CDH26: variants seen among roughly 807,000 people sequenced by gnomAD.
CDH26 encodes cadherin 26.
In CDH26, 83 loss-of-function variants were observed where a neutral mutation model predicts 90.3. The observed-to-expected ratio is 0.92, with a 90% CI of 0.77 to 1.10. The LOEUF (loss-of-function observed/expected upper bound fraction) is 1.10. Ranked by LOEUF, CDH26 falls within the 50% of genes least tolerant of loss-of-function variation. The pLI is 0.00. For synonymous variants in CDH26, 397 were observed against 396.3 expected (o/e 1.00, Z -0.02); for missense variants, 1,013 against 1,037.6 (o/e 0.98, Z 0.33).
Position 60,030,052 on chromosome 20 carries a change from T to A in CDH26, c.948-1179T>A, listed in dbSNP as rs148975555. On this transcript the variant is annotated intron_variant, in intron 7 of 8. Coordinates refer to the CDH26 transcript ENST00000370991. This position sits in a 1 kb window ranked among gnomAD's most constrained non-coding sequence, Gnocchi z 4.0. The stretch of plus-strand genomic sequence containing the variant: ...AGGGAGAAAGAAAGTGAACTGGGGA[T>A]CCCTTCTGCCACCTTCCCCCACAAC... Among the ~76,000 whole-genome samples the A allele has an allele frequency of 5.0e-3, 761 of 152,246 alleles. 2 individuals are homozygous for A. Among genetic ancestry groups the A allele is most frequent in the African/African-American group, 0.017 (702 of 41,554 alleles).
At chr20:59,973,441 T>C (rs2061289177) in intron 4 of CDH26, among the ~76,000 whole-genome samples, 1 of 152,214 alleles carries the variant, frequency 6.6e-6, no homozygotes, top group Non-Finnish European at 1.5e-5. Flanking sequence ...ACAGGTTTGT[T>C]ATATAGGTAA....
downstream of CDH26, among the ~76,000 whole-genome samples, chr20:60,017,445 A>C (rs1167361796): frequency 6.6e-6 from 1 of 151,964 alleles, no homozygotes; most frequent in African/African-American, 2.4e-5. Flanking sequence ...TGTGGTCTCT[A>C]TTGTGACATC....
chr20:60,011,292 G>A (rs1018990821), intron 17 of CDH26, among the ~76,000 whole-genome samples: 61 of 152,312 alleles, frequency 4.0e-4, no homozygotes, highest in African/African-American at 1.5e-3. Context: ...TGGTCATTCT[G>A]TCACTACTGT....
chr20:60,031,077 TC>T (rs1489261285), intron 7 of CDH26, among the ~76,000 whole-genome samples: 2 of 152,160 alleles, frequency 1.3e-5, no homozygotes, highest in African/African-American at 2.4e-5. Context: ...TATTCATGCT[TC>T]CCCTTTTTAG....
At chr20:60,035,141 G>A (rs2062073598), downstream of CDH26, among the ~76,000 whole-genome samples, 1 of 152,236 alleles carries the variant, frequency 6.6e-6, no homozygotes, top group Non-Finnish European at 1.5e-5. Flanking sequence ...ACTTTTTAGA[G>A]TTTTTATGTC....
rs1569063755 is a variant in CDH26, at chr20:60,012,719, GTTCC to G, written c.2494_2497del (p.Ser832LysfsTer38). On this transcript the variant is annotated frameshift_variant, in exon 18 of 18. Coordinates refer to ENST00000348616, the MANE Select transcript of CDH26 (RefSeq NM_177980.4). LOFTEE classifies it high-confidence loss of function. ...TGAGGAAATATATTCAGAGTCAGGT[GTTCC>G]TTCCTAAAAAAAAAAGTCTATTTTG... 6.2e-7 allele frequency: 1 copy of G among 1,611,856 alleles called. No homozygotes were observed. Among genetic ancestry groups the G allele is most frequent in the Admixed American group, 1.7e-5 (1 of 59,644 alleles).
At chr20:60,007,732 G>GTT (rs113480441) in intron 17 of CDH26, among the ~76,000 whole-genome samples, 1 of 146,020 alleles carries the variant, frequency 6.8e-6, no homozygotes, top group Non-Finnish European at 1.5e-5. Context: ...GTTTCTGCTG[G>GTT]TTTTTTTTTT....
intron 3 of CDH26, among the ~76,000 whole-genome samples, chr20:59,970,808 A>AT (rs1374185161): frequency 6.9e-6 from 1 of 145,330 alleles, no homozygotes; most frequent in Non-Finnish European, 1.5e-5. Flanking sequence ...ACTCTGTCTC[A>AT]AAAATAAATA....
intron 4 of CDH26, among the ~76,000 whole-genome samples, chr20:59,976,644 T>G (rs2061331656): frequency 6.6e-6 from 1 of 151,982 alleles, no homozygotes; most frequent in South Asian, 2.1e-4. Flanking sequence ...GCACAAAAAT[T>G]TAAAAATGTA....
Position 60,006,811 on chromosome 20 carries a change from G to C in CDH26, c.2295+24G>C, listed in dbSNP as rs562254282. The C allele has an allele frequency of 4.3e-5, 68 of 1,580,020 alleles. No individual in the cohort carries two copies. In the Middle Eastern group the frequency reaches 5.0e-3, roughly 116 times the overall value. On this transcript the variant is annotated intron_variant, in intron 17 of 17. Transcript: ENST00000348616. The stretch of plus-strand genomic sequence containing the variant: ...AGGTAGGGAGAGCTCCCCTTGTGCT[G>C]TGCACTAGCTATGGGTTTTGCATCC...
chr20:60,021,116 A>G (rs1371127960), intron 7 of CDH26, among the ~76,000 whole-genome samples: 2 of 152,124 alleles, frequency 1.3e-5, no homozygotes, highest in Admixed American at 6.5e-5. Context: ...TGTTGCCATG[A>G]TTCTTTCTTC....
chr20:59,969,964 T>G, intron 2 of CDH26, 118 bp from the exon 3 acceptor site: 3 of 1,432,152 alleles, frequency 2.1e-6, no homozygotes, highest in East Asian at 2.5e-5. Flanking sequence ...GTTCTGGCGA[T>G]GAGAGAATGC....
intron 9 of CDH26, 120 bp downstream of exon 9, chr20:59,989,283 C>G: frequency 7.7e-7 from 1 of 1,304,082 alleles, no homozygotes; most frequent in Non-Finnish European, 1.1e-6. Flanking sequence ...AATCCCAGCG[C>G]TTTGGGAGGC....
At chr20:60,029,209 A>G (rs1405235436) in intron 7 of CDH26, among the ~76,000 whole-genome samples, 2 of 152,198 alleles carry the variant, frequency 1.3e-5, no homozygotes, top group African/African-American at 4.8e-5. Context: ...GTCAACGGGT[A>G]TAAAGTTACA....
downstream of CDH26, among the ~76,000 whole-genome samples, chr20:60,017,006 T>C (rs1045472904): frequency 6.6e-6 from 1 of 152,084 alleles, no homozygotes; most frequent in African/African-American, 2.4e-5. Flanking sequence ...ATTTTTGGAT[T>C]TGGTTTGCTA....
Position 59,987,468 on chromosome 20 carries a change from C to T in CDH26, c.853C>T (p.Pro285Ser). The T allele has an allele frequency of 6.2e-7, 1 of 1,611,500 alleles. No individual in the cohort carries two copies. Among genetic ancestry groups the T allele is most frequent in the Non-Finnish European group, 8.5e-7 (1 of 1,178,986 alleles). ...FTQENYKVQI[P>S]EGRASQGVLR... ...CTTCTTTCAGTATAAGGTTCAGATT[C>T]CTGAAGGCCGAGCCAGCCAGGGCGT... Residue 285 changes from proline (P) to serine (S), a missense_variant, in exon 8 of 18, where the codon CCT (proline) becomes TCT (serine). Physicochemically the swap from Pro to Ser is moderately conservative, Grantham distance 74. Transcript: ENST00000348616.
intron 1 of CDH26, among the ~76,000 whole-genome samples, chr20:59,967,957 ATCTTTCTTTCTT>A (rs1162039272): frequency 0.099 from 5,881 of 59,340 alleles, 375 homozygotes; most frequent in East Asian, 0.26. Context: ...CTTTCTTTCT[ATCTTTCTTTCTT>A]TCTTTCTTTC....
rs1026785895 is a variant in CDH26 at position 60,030,416 on chromosome 20, GT to G, written c.948-808del. On this transcript the variant is annotated intron_variant, in intron 7 of 8. Coordinates refer to the CDH26 transcript ENST00000370991. This position sits in a 1 kb window ranked among gnomAD's most constrained non-coding sequence, Gnocchi z 4.0. ...CTTTTTTTTGTTTTGTTTTGTTTTT[GT>G]TTTTTTCAGTATCCCTTCACCTTCT... Among the ~76,000 whole-genome samples the G allele has an allele frequency of 3.3e-5, 5 of 151,672 alleles. No homozygotes were observed. Among genetic ancestry groups the G allele is most frequent in the African/African-American group, 1.2e-4 (5 of 41,268 alleles).
intron 7 of CDH26, among the ~76,000 whole-genome samples, chr20:59,985,855 C>G (rs1455843003): frequency 6.6e-6 from 1 of 152,084 alleles, no homozygotes; most frequent in Non-Finnish European, 1.5e-5. Context: ...AACTACAACA[C>G]GATTTCTGTT....
Sources: gnomAD v4.1 joint callset for allele counts (sites outside exome capture counted in the v4.1 genomes callset) on GRCh38, gnomAD v4.1.1 for gene constraint, Gnocchi (gnomAD v3.1) non-coding constraint, MANE v1.5 for transcripts, NCBI Gene and HGNC (gene_info 2026-07-23, HGNC 2026-07-21) for gene names.